The following EPHA4 variants were observed in gnomAD, a reference collection of about 807,000 sequenced individuals.
The protein encoded by EPHA4 is EPH receptor A4.
In EPHA4, 19 loss-of-function variants were observed where a neutral mutation model predicts 108.3. That is an observed-to-expected ratio of 0.18 (90% CI 0.12 to 0.26). The LOEUF (loss-of-function observed/expected upper bound fraction) is 0.26. Ranked by LOEUF, EPHA4 falls within the 10% of genes least tolerant of loss-of-function variation. EPHA4 has a pLI of 1.00. For missense variants in EPHA4, 917 were observed against 1,254.0 expected (o/e 0.73, Z 4.06); for synonymous variants, 449 against 455.5 (o/e 0.99, Z 0.18).
chr2:221,458,559 T>C (rs898803250), intron 5 of EPHA4, among the ~76,000 whole-genome samples: 3 of 152,164 alleles, frequency 2.0e-5, no homozygotes, highest in Admixed American at 1.3e-4. Flanking sequence ...ACCATGTAAA[T>C]AGTGAATACA....
chr2:221,502,278 T>C (rs539484867), intron 3 of EPHA4, among the ~76,000 whole-genome samples: 1 of 152,168 alleles, frequency 6.6e-6, no homozygotes, highest in East Asian at 1.9e-4. Context: ...ACCAACACCA[T>C]CAGCATTAAA....
intron 8 of EPHA4, among the ~76,000 whole-genome samples, chr2:221,446,446 A>C (rs1442363970): frequency 6.6e-5 from 10 of 152,078 alleles, no homozygotes; most frequent in Admixed American, 6.6e-4. Flanking sequence ...ATATTTTATA[A>C]TATAATTATA....
chr2:221,439,685 C>T (rs1273167992), intron 11 of EPHA4, among the ~76,000 whole-genome samples: 1 of 151,736 alleles, frequency 6.6e-6, no homozygotes, highest in Non-Finnish European at 1.5e-5. Context: ...AACAAATGTG[C>T]CTAAATGAGT....
chr2:221,558,989 A>G (rs1372375537), intron 3 of EPHA4, among the ~76,000 whole-genome samples: 8 of 152,222 alleles, frequency 5.3e-5, no homozygotes, highest in Admixed American at 4.6e-4. Context: ...TTTCCTTTCC[A>G]TTACTTCTTT....
chr2:221,432,351 C>T (rs1304421505), intron 14 of EPHA4, among the ~76,000 whole-genome samples: 1 of 152,090 alleles, frequency 6.6e-6, no homozygotes, highest in African/African-American at 2.4e-5. Flanking sequence ...GTCTTTGTCC[C>T]TGTGAGAGTC....
rs540509824 is a variant in EPHA4 at position 221,527,574 on chromosome 2, C to T, written c.824-26402G>A. Among the ~76,000 whole-genome samples the T allele has an allele frequency of 1.7e-3, 258 of 152,232 alleles. 1 individual carries two copies. Among genetic ancestry groups the T allele is most frequent in the Non-Finnish European group, 3.2e-3 (218 of 67,992 alleles). On this transcript the variant is annotated intron_variant, in intron 3 of 17. Transcript: ENST00000281821. ...GTATGGAGGCCCCAGCCCCAGCAAC[C>T]GGGGAGGTCCACCGGGGTCTGCCCG...
intron 3 of EPHA4, among the ~76,000 whole-genome samples, chr2:221,520,015 G>C (rs538489091): frequency 4.0e-5 from 6 of 151,682 alleles, no homozygotes; most frequent in African/African-American, 1.5e-4. Flanking sequence ...TTCGTTTACT[G>C]ACCATTATCA....
chr2:221,463,624 T>C (rs1185850145), intron 5 of EPHA4, among the ~76,000 whole-genome samples: 2 of 152,100 alleles, frequency 1.3e-5, no homozygotes, highest in Non-Finnish European at 2.9e-5. Context: ...TTTAAGAAAA[T>C]GGTAAATTTA....
At chr2:221,492,088 C>T (rs972751915) in intron 4 of EPHA4, among the ~76,000 whole-genome samples, 13 of 152,148 alleles carry the variant, frequency 8.5e-5, no homozygotes, top group African/African-American at 3.1e-4. Context: ...TAGAAGCATG[C>T]TGTGAATAAC....
At chr2:221,490,710 T>A (rs1692115037) in intron 4 of EPHA4, among the ~76,000 whole-genome samples, 1 of 152,200 alleles carries the variant, frequency 6.6e-6, no homozygotes, top group Non-Finnish European at 1.5e-5. Flanking sequence ...GTTGTTAATC[T>A]CTCTCCAGCT....
intron 3 of EPHA4, among the ~76,000 whole-genome samples, chr2:221,512,104 T>A (rs1460384207): frequency 6.6e-6 from 1 of 152,152 alleles, no homozygotes; most frequent in African/African-American, 2.4e-5. Context: ...TAAATTCAAG[T>A]AGATTAAGCA....
chr2:221,442,860 G>A lies in EPHA4; in HGVS notation c.2043C>T (p.Asn681=), dbSNP rs938752223. The change falls in exon 11 of 18, where the codon AAC becomes AAT. Residue 681 remains asparagine, a synonymous_variant. Coordinates refer to ENST00000281821, the MANE Select transcript of EPHA4 (RefSeq NM_004438.5). ...TGACCACGCCTTCCAAGTGAATGAT[G>A]TTCGGATGGTCAAACTGTCCCATGA... ...ASIMGQFDHP[N]IIHLEGVVTK... is the part of the protein sequence containing the mutation. 4.3e-6 allele frequency: 7 copies of A among 1,614,184 alleles called. No homozygotes were observed. The highest frequency in any genetic ancestry group is 5.1e-6 in the Non-Finnish European group (6 of 1,180,018).
chr2:221,482,266 A>C, intron 5 of EPHA4, 86 bp downstream of exon 5: 1 of 1,280,736 alleles, frequency 7.8e-7, no homozygotes, highest in Non-Finnish European at 1.1e-6. Flanking sequence ...TTCTATTTCA[A>C]TTATAGCAAT....
Position 221,571,556 on chromosome 2 carries a change from C to T in EPHA4, c.91+602G>A, listed in dbSNP as rs1694838895. Among the ~76,000 whole-genome samples the T allele has an allele frequency of 6.6e-6, 1 of 152,244 alleles. No individual in the cohort carries two copies. Among genetic ancestry groups the T allele is most frequent in the African/African-American group, 2.4e-5 (1 of 41,470 alleles). ...CGGGCCCCTCAGGCCCGCAATCGCACCCTCGGGGCGCTGGGCTTGGCGAGG... is the reference window on the plus strand; with the variant it reads ...CGGGCCCCTCAGGCCCGCAATCGCATCCTCGGGGCGCTGGGCTTGGCGAGG... On this transcript the variant is annotated intron_variant, in intron 1 of 17. Transcript: ENST00000281821. This position sits in a 1 kb window ranked among gnomAD's most constrained non-coding sequence, Gnocchi z 6.3.
intron 5 of EPHA4, among the ~76,000 whole-genome samples, chr2:221,458,317 G>A (rs1209961952): frequency 2.0e-5 from 3 of 152,162 alleles, no homozygotes; most frequent in Admixed American, 6.5e-5. Flanking sequence ...TTAACCTTTT[G>A]TAAGCCATAA....
upstream of EPHA4, chr2:221,573,762 C>T (rs1040764087): frequency 6.6e-6 from 1 of 152,206 alleles, no homozygotes; most frequent in Non-Finnish European, 1.5e-5. The surrounding 1 kb of genome is among the most constrained non-coding windows in gnomAD (Gnocchi z 4.5). Flanking sequence ...CCGCAACCCG[C>T]AATCCGCAAC....
chr2:221,555,000 C>A (rs1202658112), intron 3 of EPHA4, among the ~76,000 whole-genome samples: 1 of 152,174 alleles, frequency 6.6e-6, no homozygotes, highest in African/African-American at 2.4e-5. Flanking sequence ...TCCCCTCCCA[C>A]CTCAGAAAGA....
In EPHA4 at chr2:221,445,190, G is replaced by A. The variant is rs575546083; in HGVS notation, c.1774+933C>T. On this transcript the variant is annotated intron_variant, in intron 9 of 17. Coordinates refer to ENST00000281821, the MANE Select transcript of EPHA4 (RefSeq NM_004438.5). ...ACATTTCAAGTATTCAATAGCTTGTGTGGCTATTGGCTTACATTTTGGACA... is the reference window on the plus strand; with the variant it reads ...ACATTTCAAGTATTCAATAGCTTGTATGGCTATTGGCTTACATTTTGGACA... Among the ~76,000 whole-genome samples the A allele has an allele frequency of 1.1e-3, 168 of 152,244 alleles. 1 individual carries two copies. In the South Asian group the frequency reaches 0.017, roughly 16 times the overall value.
intron 3 of EPHA4, among the ~76,000 whole-genome samples, chr2:221,512,735 G>T (rs963069106): frequency 2.6e-5 from 4 of 152,160 alleles, no homozygotes; most frequent in African/African-American, 9.7e-5. Flanking sequence ...TTAGGTATGT[G>T]CATTTATTCA....
Sources: gnomAD v4.1 joint callset for allele counts (sites outside exome capture counted in the v4.1 genomes callset) on GRCh38, gnomAD v4.1.1 for gene constraint, Gnocchi (gnomAD v3.1) non-coding constraint, MANE v1.5 for transcripts, NCBI Gene and HGNC (gene_info 2026-07-23, HGNC 2026-07-21) for gene names.